NPAS3: variants seen among roughly 807,000 people sequenced by gnomAD.
NPAS3 encodes the protein neuronal PAS domain protein 3.
Under a neutral mutation model 73.1 loss-of-function variants are expected in NPAS3, and 14 were observed. The ratio of observed to expected loss-of-function variants is 0.19; its 90% CI spans 0.13 to 0.30. The LOEUF is 0.30. Among genes scored for constraint, NPAS3 ranks in the 10% least tolerant of loss-of-function variants. The probability of loss-of-function intolerance (pLI) is 1.00; values close to 1 mark genes in which losing one functional copy is unlikely to be tolerated. For missense variants in NPAS3, 1,096 were observed against 1,250.0 expected (o/e 0.88, Z 1.86); for synonymous variants, 620 against 541.5 (o/e 1.14, Z -2.01).
At chr14:33,446,216 C>T (rs377614860) in intron 4 of NPAS3, among the ~76,000 whole-genome samples, 3 of 141,932 alleles carry the variant, frequency 2.1e-5, no homozygotes, top group Non-Finnish European at 3.0e-5. Flanking sequence ...TCGCCCAGGC[C>T]GGACTGCGGA....
chr14:33,233,150 T>C (rs1442570708), intron 3 of NPAS3, among the ~76,000 whole-genome samples: 1 of 152,178 alleles, frequency 6.6e-6, no homozygotes, highest in Non-Finnish European at 1.5e-5. Flanking sequence ...TAATTTTGAA[T>C]GAATCTACCT....
At chr14:33,703,847 A>C (rs1329961691) in intron 6 of NPAS3, among the ~76,000 whole-genome samples, 1 of 152,166 alleles carries the variant, frequency 6.6e-6, no homozygotes, top group East Asian at 1.9e-4. Flanking sequence ...TCATCTCAAG[A>C]TCACACACCA....
At chr14:33,341,374 T>G (rs2044469764) in intron 3 of NPAS3, among the ~76,000 whole-genome samples, 1 of 152,256 alleles carries the variant, frequency 6.6e-6, no homozygotes, top group Admixed American at 6.5e-5. Flanking sequence ...TTATTTCTTT[T>G]TTGTTCTGTA....
intron 1 of NPAS3, among the ~76,000 whole-genome samples, chr14:32,999,151 G>C (rs1317063729): frequency 1.3e-5 from 2 of 152,070 alleles, no homozygotes; most frequent in Non-Finnish European, 2.9e-5. Flanking sequence ...AAATTCAGTT[G>C]AACTTCTTTT....
intron 4 of NPAS3, among the ~76,000 whole-genome samples, chr14:33,447,067 C>G (rs4981190): frequency 0.21 from 31,405 of 152,078 alleles, 3,773 homozygotes; most frequent in East Asian, 0.55. Context: ...TAAAGAAGCT[C>G]ACAATCTGTG....
chr14:33,120,549 T>C (rs1281673545), intron 2 of NPAS3, among the ~76,000 whole-genome samples: 3 of 151,850 alleles, frequency 2.0e-5, no homozygotes, highest in African/African-American at 7.2e-5. Context: ...AAGTGTTCAG[T>C]TTTCATTGTG....
chr14:33,652,941 G>A (rs4246978), intron 5 of NPAS3, among the ~76,000 whole-genome samples: 112,448 of 152,114 alleles, frequency 0.74, 41,750 homozygotes, highest in East Asian at 0.94. Context: ...GGTTTCCAAA[G>A]TGAACTGCCC....
chr14:33,133,158 A>G (rs1367402231), intron 2 of NPAS3, among the ~76,000 whole-genome samples: 2 of 152,206 alleles, frequency 1.3e-5, no homozygotes, highest in African/African-American at 4.8e-5. Context: ...TTATCATCAT[A>G]TAATTGGTAG....
At chr14:33,466,361 T>A (rs1325460470) in intron 4 of NPAS3, among the ~76,000 whole-genome samples, 7 of 152,178 alleles carry the variant, frequency 4.6e-5, no homozygotes, top group Non-Finnish European at 1.0e-4. Context: ...AGATGATGAT[T>A]AGCAAGATTT....
At chr14:33,070,005 T>C (rs1036354290) in intron 2 of NPAS3, among the ~76,000 whole-genome samples, 3 of 152,200 alleles carry the variant, frequency 2.0e-5, no homozygotes, top group African/African-American at 7.2e-5. Flanking sequence ...CACATTTTGA[T>C]TGACAGACTG....
rs543107129 is a variant in NPAS3 at position 33,226,897 on chromosome 14, C to T, written c.385+11471C>T. 2.0e-3 allele frequency among the ~76,000 whole-genome samples: 312 copies of T among 152,262 alleles called. 1 individual carries two copies. Among genetic ancestry groups the T allele is most frequent in the Non-Finnish European group, 3.7e-3 (252 of 68,010 alleles). On this transcript the variant is annotated intron_variant, in intron 3 of 11. Coordinates refer to ENST00000356141, the Ensembl canonical transcript of NPAS3. Reference sequence around the variant, plus strand: ...ACTGATGATAAAAACAGACTGTGTACACAGTTTGGGTTTTATATAAATACT... The same window carrying T: ...ACTGATGATAAAAACAGACTGTGTATACAGTTTGGGTTTTATATAAATACT...
At chr14:33,668,983 A>G (rs1471832650) in intron 5 of NPAS3, among the ~76,000 whole-genome samples, 2 of 152,352 alleles carry the variant, frequency 1.3e-5, no homozygotes, top group East Asian at 1.9e-4. Flanking sequence ...CCGGCTATGC[A>G]TAACACTCAT....
At chr14:33,336,321 T>C (rs2044224496) in intron 3 of NPAS3, among the ~76,000 whole-genome samples, 1 of 152,148 alleles carries the variant, frequency 6.6e-6, no homozygotes, top group African/African-American at 2.4e-5. Context: ...GGGACTGCAG[T>C]CTCATTTGAG....
chr14:33,597,384 A>C (rs192501626), intron 5 of NPAS3, among the ~76,000 whole-genome samples: 11 of 152,336 alleles, frequency 7.2e-5, no homozygotes, highest in African/African-American at 2.6e-4. Context: ...AAGAGGAAGA[A>C]AGCTCTTTGT....
At chr14:33,296,978 C>T (rs568923170) in intron 3 of NPAS3, among the ~76,000 whole-genome samples, 23 of 152,264 alleles carry the variant, frequency 1.5e-4, no homozygotes, top group African/African-American at 4.8e-4. Context: ...AAGAATAAAT[C>T]GCATCCTTTT....
intron 4 of NPAS3, among the ~76,000 whole-genome samples, chr14:33,552,064 G>A (rs1204809651): frequency 6.6e-6 from 1 of 152,150 alleles, no homozygotes; most frequent in East Asian, 1.9e-4. Flanking sequence ...CTTGTGACTG[G>A]GAACCTTGTC....
intron 4 of NPAS3, among the ~76,000 whole-genome samples, chr14:33,419,576 T>C (rs868756075): frequency 2.8e-4 from 43 of 152,090 alleles, no homozygotes; most frequent in Middle Eastern, 3.4e-3. Flanking sequence ...TTAAAGCTTT[T>C]GGTGAAACAT....
intron 5 of NPAS3, among the ~76,000 whole-genome samples, chr14:33,647,370 G>T (rs1043190995): frequency 2.6e-5 from 4 of 151,208 alleles, no homozygotes; most frequent in African/African-American, 9.7e-5. Flanking sequence ...TAATATTTTT[G>T]ACCAGCATCT....
intron 1 of NPAS3, among the ~76,000 whole-genome samples, chr14:33,043,183 TAAG>T (rs1014467469): frequency 6.6e-6 from 1 of 152,156 alleles, no homozygotes; most frequent in African/African-American, 2.4e-5. Flanking sequence ...AGATTTATGA[TAAG>T]AACACATTTC....
Sources: gnomAD v4.1 joint callset for allele counts (sites outside exome capture counted in the v4.1 genomes callset) on GRCh38, gnomAD v4.1.1 for gene constraint, MANE v1.5 for transcripts, NCBI Gene and HGNC (gene_info 2026-07-23, HGNC 2026-07-21) for gene names.